Variants in DERA observed in about 807,000 individuals in gnomAD.
DERA encodes 2-deoxy-D-ribose 5-phosphate aldolase.
In DERA, 15 loss-of-function variants were observed where a neutral mutation model predicts 41.1. The observed-to-expected ratio is 0.37, with a 90% CI of 0.24 to 0.56. The LOEUF (loss-of-function observed/expected upper bound fraction) is 0.56, where lower values mean the gene tolerates loss of function less well. DERA is among the 20% of genes least tolerant of loss of function. The pLI, the probability that DERA is intolerant of heterozygous loss-of-function variation, is 0.81. For missense variants in DERA, 396 were observed against 403.4 expected (o/e 0.98, Z 0.16); for synonymous variants, 139 against 137.4 (o/e 1.01, Z -0.08).
At position 15,981,019 on chromosome 12, in the gene DERA, T is replaced by G. The variant is rs1429490732; in HGVS notation, c.509-1289T>G. ...TACCCCAACCCTTATTATGAATGTT[T>G]CCCTCCTGCTTGGTTTACTCTGTAT... On this transcript the variant is annotated intron_variant, in intron 5 of 8. Coordinates refer to ENST00000428559, the MANE Select transcript of DERA (RefSeq NM_015954.4). This position sits in a 1 kb window ranked among gnomAD's most constrained non-coding sequence, Gnocchi z 6.1. 6.6e-6 allele frequency among the ~76,000 whole-genome samples: 1 copy of G among 152,160 alleles called. No homozygotes were observed. The highest frequency in any genetic ancestry group is 2.4e-5 in the African/African-American group (1 of 41,428).
chr12:15,980,537 A>AT (rs536466989), intron 5 of DERA, among the ~76,000 whole-genome samples: 26 of 150,624 alleles, frequency 1.7e-4, no homozygotes, highest in South Asian at 1.1e-3. Flanking sequence ...AAAGAATATA[A>AT]TTTTTTTTTT....
In DERA at chr12:15,996,106, A is replaced by C. The variant is rs553076548; in HGVS notation, c.637+13670A>C. 6.6e-6 allele frequency among the ~76,000 whole-genome samples: 1 copy of C among 152,010 alleles called. No individual in the cohort carries two copies. The highest frequency in any genetic ancestry group is 6.5e-5 in the Admixed American group (1 of 15,268). On this transcript the variant is annotated intron_variant, in intron 6 of 8. Coordinates refer to ENST00000428559, the MANE Select transcript of DERA (RefSeq NM_015954.4). This position sits in a 1 kb window ranked among gnomAD's most constrained non-coding sequence, Gnocchi z 4.7. ...TCTCTTTCAGAGTTAATGTGATTCT[A>C]TGCAGAAGAGAAAATTATTTCATAT...
In DERA at chr12:15,959,996, A is replaced by G; in HGVS notation, c.373+72A>G. On this transcript the variant is annotated intron_variant, in intron 4 of 8. Transcript: ENST00000428559. The surrounding 1 kb of genome is among the most constrained non-coding windows in gnomAD (Gnocchi z 4.5). Reference sequence around the variant, plus strand: ...AGTTCTTCATACAATGGGGTATTATATGTAGGTTTGTACTATGATTTAAAT... The same window carrying G: ...AGTTCTTCATACAATGGGGTATTATGTGTAGGTTTGTACTATGATTTAAAT... 1 of 1,139,608 alleles carries G rather than the reference A, an allele frequency of 8.8e-7. No homozygotes were observed. The highest frequency in any genetic ancestry group is 1.3e-6 in the Non-Finnish European group (1 of 787,208). The allele number at this position is 1,139,608 out of a possible 1,614,324, so 70.6% of individuals were successfully genotyped here.
chr12:15,976,556 A>G lies in DERA; in HGVS notation c.509-5752A>G, dbSNP rs1948698625. ...CTGCTCTCCCTTGTCTGTGGTTGAGAGCTCCCAAAGATAGAGTTCAGAATC... is the reference window on the plus strand; with the variant it reads ...CTGCTCTCCCTTGTCTGTGGTTGAGGGCTCCCAAAGATAGAGTTCAGAATC... On this transcript the variant is annotated intron_variant, in intron 5 of 8. Coordinates refer to ENST00000428559, the MANE Select transcript of DERA (RefSeq NM_015954.4). This position sits in a 1 kb window ranked among gnomAD's most constrained non-coding sequence, Gnocchi z 4.1. 1.3e-5 allele frequency among the ~76,000 whole-genome samples: 2 copies of G among 152,126 alleles called. No homozygotes were observed. Among genetic ancestry groups the G allele is most frequent in the Admixed American group, 6.5e-5 (1 of 15,268 alleles).
rs901299813 is a variant in DERA, at chr12:15,989,682, C to G, written c.637+7246C>G. Among the ~76,000 whole-genome samples, 1 of 152,148 alleles carries G rather than the reference C, an allele frequency of 6.6e-6. No homozygotes were observed. The highest frequency in any genetic ancestry group is 2.4e-5 in the African/African-American group (1 of 41,430). ...TCCCATTAATTTAGAATCAGAATCT[C>G]AAAGGGAAACCATTTGTCATTACAT... On this transcript the variant is annotated intron_variant, in intron 6 of 8. Coordinates refer to ENST00000428559, the MANE Select transcript of DERA (RefSeq NM_015954.4). The surrounding 1 kb of genome is among the most constrained non-coding windows in gnomAD (Gnocchi z 5.2).
rs1002721804 is a variant in DERA at position 15,982,881 on chromosome 12, A to G, written c.637+445A>G. On this transcript the variant is annotated intron_variant, in intron 6 of 8. Coordinates refer to ENST00000428559, the MANE Select transcript of DERA (RefSeq NM_015954.4). This position sits in a 1 kb window ranked among gnomAD's most constrained non-coding sequence, Gnocchi z 4.0. The stretch of plus-strand genomic sequence containing the variant: ...TTTAAAATTTAGTGCAGTATCATTG[A>G]TTTTTATACTTTCAAATATAAGTTG... 6.6e-6 allele frequency among the ~76,000 whole-genome samples: 1 copy of G among 152,176 alleles called. No homozygotes were observed. The highest frequency in any genetic ancestry group is 2.4e-5 in the African/African-American group (1 of 41,428).
At chr12:15,929,962 C>T (rs1027176966) in intron 1 of DERA, among the ~76,000 whole-genome samples, 14 of 152,018 alleles carry the variant, frequency 9.2e-5, no homozygotes, top group Admixed American at 3.9e-4. Flanking sequence ...GTGAGACTGA[C>T]GGGCATTCAA....
At chr12:16,025,248 T>C (rs761795498) in intron 6 of DERA, among the ~76,000 whole-genome samples, 1 of 152,150 alleles carries the variant, frequency 6.6e-6, no homozygotes, top group Non-Finnish European at 1.5e-5. Context: ...AGTCTAAATA[T>C]GCCAATTAGA....
chr12:15,961,306 T>C (rs531078595), intron 4 of DERA, among the ~76,000 whole-genome samples: 17 of 152,286 alleles, frequency 1.1e-4, no homozygotes, highest in Non-Finnish European at 2.2e-4. Flanking sequence ...TGTGTGTATA[T>C]GGATGGATGA....
At chr12:16,007,842 GTGTTTTGTTT>G (rs60755576) in intron 6 of DERA, among the ~76,000 whole-genome samples, 26 of 151,536 alleles carry the variant, frequency 1.7e-4, no homozygotes, top group Non-Finnish European at 2.7e-4. Flanking sequence ...TTTTTGTTTT[GTGTTTTGTTT>G]TGTTTTGTTT....
In DERA at chr12:15,984,908, C is replaced by T. The variant is rs1376065771; in HGVS notation, c.637+2472C>T. On this transcript the variant is annotated intron_variant, in intron 6 of 8. Coordinates refer to ENST00000428559, the MANE Select transcript of DERA (RefSeq NM_015954.4). The surrounding 1 kb of genome is among the most constrained non-coding windows in gnomAD (Gnocchi z 4.5). ...ATGTAACTTGCACAAACTAATCTCC[C>T]CAAAAGTAATTTACAAATTTCTGAC... Among the ~76,000 whole-genome samples, 1 of 152,120 alleles carries T rather than the reference C, an allele frequency of 6.6e-6. No homozygotes were observed. The highest frequency in any genetic ancestry group is 6.5e-5 in the Admixed American group (1 of 15,270).
intron 6 of DERA, among the ~76,000 whole-genome samples, chr12:15,987,212 C>G (rs938605774): frequency 1.4e-5 from 2 of 137,960 alleles, no homozygotes; most frequent in Non-Finnish European, 3.2e-5. Flanking sequence ...AGGACGTTTT[C>G]AAAACCATAT....
Position 15,988,240 on chromosome 12 carries a change from T to C in DERA, c.637+5804T>C, listed in dbSNP as rs541054876. 2.8e-4 allele frequency among the ~76,000 whole-genome samples: 42 copies of C among 152,328 alleles called. No homozygotes were observed. The highest frequency in any genetic ancestry group is 9.1e-4 in the African/African-American group (38 of 41,594). ...AATGTGGTGAGTCGGGGGCATGTTTTAGCCCTGTTTGTGTTACAGCTCTTT... is the reference window on the plus strand; with the variant it reads ...AATGTGGTGAGTCGGGGGCATGTTTCAGCCCTGTTTGTGTTACAGCTCTTT... On this transcript the variant is annotated intron_variant, in intron 6 of 8. Coordinates refer to ENST00000428559, the MANE Select transcript of DERA (RefSeq NM_015954.4). This position sits in a 1 kb window ranked among gnomAD's most constrained non-coding sequence, Gnocchi z 6.0.
chr12:15,982,063 CTA>C lies in DERA; in HGVS notation c.509-243_509-242del, dbSNP rs1410732709. 6.6e-6 allele frequency among the ~76,000 whole-genome samples: 1 copy of C among 152,180 alleles called. No homozygotes were observed. Among genetic ancestry groups the C allele is most frequent in the Non-Finnish European group, 1.5e-5 (1 of 68,032 alleles). On this transcript the variant is annotated intron_variant, in intron 5 of 8. Transcript: ENST00000428559. This position sits in a 1 kb window ranked among gnomAD's most constrained non-coding sequence, Gnocchi z 4.0. The stretch of plus-strand genomic sequence containing the variant: ...ATGTCATTATGATATTTAAAAAGCT[CTA>C]TGTCTCTGGACCTCAGGCCAGGGCT...
Position 16,033,833 on chromosome 12 carries a change from C to T in DERA, c.750+1179C>T, listed in dbSNP as rs185304348. On this transcript the variant is annotated intron_variant, in intron 7 of 8. Coordinates refer to ENST00000428559, the MANE Select transcript of DERA (RefSeq NM_015954.4). ...AAATAAACTCCTTCCAGAATTTTCT[C>T]ACTTAAAATAACTTCACATCTTAAT... 2.2e-3 allele frequency among the ~76,000 whole-genome samples: 330 copies of T among 152,080 alleles called. 2 individuals carry two copies. The highest frequency in any genetic ancestry group is 7.4e-3 in the African/African-American group (307 of 41,466).
Position 15,938,178 on chromosome 12 carries a change from C to G in DERA, c.32-18758C>G, listed in dbSNP as rs1053568727. Among the ~76,000 whole-genome samples the G allele has an allele frequency of 4.6e-5, 7 of 152,122 alleles. No homozygotes were observed. The highest frequency in any genetic ancestry group is 4.4e-5 in the Non-Finnish European group (3 of 68,028). On this transcript the variant is annotated intron_variant, in intron 1 of 8. Coordinates refer to ENST00000428559, the MANE Select transcript of DERA (RefSeq NM_015954.4). The surrounding 1 kb of genome is among the most constrained non-coding windows in gnomAD (Gnocchi z 4.1). Reference sequence around the variant, plus strand: ...AGAGGAAGACTTAGTGGTTGAGGAGCTGGAGAAAGTTGCTCAGAAATGACA... The same window carrying G: ...AGAGGAAGACTTAGTGGTTGAGGAGGTGGAGAAAGTTGCTCAGAAATGACA...
At chr12:15,929,752 C>G (rs949963642) in intron 1 of DERA, among the ~76,000 whole-genome samples, 4 of 152,184 alleles carry the variant, frequency 2.6e-5, no homozygotes, top group African/African-American at 9.7e-5. Flanking sequence ...ACAGTAGCTA[C>G]ACAACAAATC....
Position 16,019,716 on chromosome 12 carries a change from C to T in DERA, c.638-12826C>T, listed in dbSNP as rs1327551187. ...GGTCTGTAACACATTCCATCTGTTC[C>T]ATGAAGCCTTCCCGTATTATTCTAG... On this transcript the variant is annotated intron_variant, in intron 6 of 8. Coordinates refer to ENST00000428559, the MANE Select transcript of DERA (RefSeq NM_015954.4). The surrounding 1 kb of genome is among the most constrained non-coding windows in gnomAD (Gnocchi z 4.4). Among the ~76,000 whole-genome samples, 4 of 152,146 alleles carry T rather than the reference C, an allele frequency of 2.6e-5. No homozygotes were observed. Among genetic ancestry groups the T allele is most frequent in the Non-Finnish European group, 5.9e-5 (4 of 68,040 alleles).
At position 15,943,457 on chromosome 12, in the gene DERA, A is replaced by G. The variant is rs981370055; in HGVS notation, c.32-13479A>G. Among the ~76,000 whole-genome samples, 1 of 152,136 alleles carries G rather than the reference A, an allele frequency of 6.6e-6. No individual in the cohort carries two copies. Among genetic ancestry groups the G allele is most frequent in the Non-Finnish European group, 1.5e-5 (1 of 68,026 alleles). On this transcript the variant is annotated intron_variant, in intron 1 of 8. Transcript: ENST00000428559. The surrounding 1 kb of genome is among the most constrained non-coding windows in gnomAD (Gnocchi z 4.5). ...TCAGATCATTTCAGCCCTTGCTGAA[A>G]ATTCTCTAAAAGACTTCCCATCTCA...
Sources: allele counts gnomAD v4.1 joint callset (sites outside exome capture counted in the v4.1 genomes callset), GRCh38; gene constraint gnomAD v4.1.1; non-coding constraint Gnocchi (gnomAD v3.1); transcripts MANE v1.5; gene names NCBI Gene and HGNC (gene_info 2026-07-23, HGNC 2026-07-21).